Variants in CWH43 observed in about 807,000 individuals in gnomAD.
The protein encoded by CWH43 is PGAP2-interacting protein.
A neutral mutation model predicts 85.7 loss-of-function variants in CWH43; 91 were observed. That is an observed-to-expected ratio of 1.06 (90% CI 0.90 to 1.26). The LOEUF is 1.26. Among genes scored for constraint, CWH43 ranks in the 50% most tolerant of loss-of-function variants. The pLI is 0.00. For missense variants in CWH43, 869 were observed against 839.2 expected (o/e 1.04, Z -0.44); for synonymous variants, 323 against 293.6 (o/e 1.10, Z -1.02).
At chr4:49,023,116 G>C (rs1783803471) in intron 9 of CWH43, among the ~76,000 whole-genome samples, 1 of 152,094 alleles carries the variant, frequency 6.6e-6, no homozygotes. Flanking sequence ...AGTTCCTTGA[G>C]TTGTGACCTT....
At chr4:49,059,929 T>A (rs1785092526) in intron 15 of CWH43, among the ~76,000 whole-genome samples, 1 of 152,082 alleles carries the variant, frequency 6.6e-6, no homozygotes, top group African/African-American at 2.4e-5. Flanking sequence ...TCCATTGGGA[T>A]AGATCTGGAA....
intron 8 of CWH43, among the ~76,000 whole-genome samples, chr4:49,008,555 T>G (rs968589350): frequency 6.6e-6 from 1 of 152,212 alleles, no homozygotes; most frequent in African/African-American, 2.4e-5. Context: ...TGTCTATGCC[T>G]ATGTCCTGAA....
chr4:49,019,380 C>T (rs1386729571), intron 9 of CWH43, among the ~76,000 whole-genome samples: 4 of 151,928 alleles, frequency 2.6e-5, no homozygotes, highest in African/African-American at 2.4e-5. Context: ...ATATAAAGGA[C>T]TGAGGGAGAA....
At chr4:49,046,109 G>T (rs1784614325) in intron 14 of CWH43, among the ~76,000 whole-genome samples, 1 of 151,766 alleles carries the variant, frequency 6.6e-6, no homozygotes, top group Admixed American at 6.6e-5. Flanking sequence ...GTAAGTTTTA[G>T]GGTACATGTG....
At chr4:49,018,510 T>C (rs1161011109) in intron 9 of CWH43, among the ~76,000 whole-genome samples, 1 of 152,248 alleles carries the variant, frequency 6.6e-6, no homozygotes, top group African/African-American at 2.4e-5. Context: ...TATGGGTAGC[T>C]TATGCCTTGA....
intron 14 of CWH43, among the ~76,000 whole-genome samples, chr4:49,049,461 A>G (rs1784727529): frequency 6.6e-6 from 1 of 151,524 alleles, no homozygotes; most frequent in African/African-American, 2.4e-5. Flanking sequence ...GTGATTCTCT[A>G]CCTGGTAGCT....
intron 13 of CWH43, among the ~76,000 whole-genome samples, chr4:49,039,921 G>T (rs1784404512): frequency 6.6e-6 from 1 of 151,488 alleles, no homozygotes; most frequent in Admixed American, 6.6e-5. Context: ...ACAGTCTCCA[G>T]AGTGTGATGT....
intron 14 of CWH43, among the ~76,000 whole-genome samples, chr4:49,047,095 T>A (rs561469133): frequency 6.6e-6 from 1 of 152,196 alleles, no homozygotes; most frequent in Non-Finnish European, 1.5e-5. Context: ...TTAATGGATC[T>A]CTTTAAGTAA....
intron 15 of CWH43, among the ~76,000 whole-genome samples, chr4:49,056,332 C>A (rs1784963416): frequency 6.6e-6 from 1 of 152,058 alleles, no homozygotes. Context: ...TTTTGATTAC[C>A]AGTTCAATTT....
chr4:48,998,426 T>C (rs766495518), intron 5 of CWH43, 34 bp from the exon 6 acceptor site: 22 of 1,446,258 alleles, frequency 1.5e-5, no homozygotes, highest in African/African-American at 2.8e-5. Context: ...ATATTACTAA[T>C]GTCACATGTC....
intron 15 of CWH43, among the ~76,000 whole-genome samples, chr4:49,057,058 C>T (rs1388295127): frequency 6.6e-6 from 1 of 152,092 alleles, no homozygotes; most frequent in Non-Finnish European, 1.5e-5. Context: ...TGTTTTGTGG[C>T]CTAACATAAG....
chr4:49,039,379 A>G (rs1246137903), intron 13 of CWH43, among the ~76,000 whole-genome samples: 1 of 73,912 alleles, frequency 1.4e-5, no homozygotes, highest in African/African-American at 3.6e-5. Flanking sequence ...GTATATATAT[A>G]CTGATATATA....
rs866070614 is a variant in CWH43 at position 49,012,645 on chromosome 4, A to G, written c.1187-4604A>G. On this transcript the variant is annotated intron_variant, in intron 8 of 15. Coordinates refer to ENST00000226432, the MANE Select transcript of CWH43 (RefSeq NM_025087.3). ...TTGGTCTTTGATGTTGGTGACCTGC[A>G]GATGGAGTTTTGGTGTGGATGTCCT... Among the ~76,000 whole-genome samples, 4 of 152,154 alleles carry G rather than the reference A, an allele frequency of 2.6e-5. No homozygotes were observed. In the South Asian group the frequency reaches 6.2e-4, roughly 24 times the overall value.
chr4:49,005,550 G>GTTTTT (rs1294202525), intron 7 of CWH43, among the ~76,000 whole-genome samples: 1 of 137,620 alleles, frequency 7.3e-6, no homozygotes. Context: ...TTAGGGTTCT[G>GTTTTT]TTTTTTTTTT....
At chr4:48,998,365 A>G (rs980720477) in intron 5 of CWH43, 95 bp from the exon 6 acceptor site, 5 of 936,360 alleles carry the variant, frequency 5.3e-6, no homozygotes, top group Non-Finnish European at 8.5e-6. Context: ...TATCTCTTAT[A>G]TGTACCCAGA....
At chr4:49,037,427 G>T (rs146103909) in intron 12 of CWH43, among the ~76,000 whole-genome samples, 7 of 152,294 alleles carry the variant, frequency 4.6e-5, no homozygotes, top group Non-Finnish European at 8.8e-5. Context: ...AAATTAAGTT[G>T]GGCATGGTAG....
chr4:49,020,435 T>C (rs1237155853), intron 9 of CWH43, among the ~76,000 whole-genome samples: 1 of 77,834 alleles, frequency 1.3e-5, no homozygotes, highest in Non-Finnish European at 3.6e-5. Flanking sequence ...ATATAAATCA[T>C]ATTTTCTTTA....
Position 48,992,998 on chromosome 4 carries a change from G to C in CWH43, c.511+908G>C, listed in dbSNP as rs1374082466. 6.6e-6 allele frequency among the ~76,000 whole-genome samples: 1 copy of C among 152,086 alleles called. No individual in the cohort carries two copies. Among genetic ancestry groups the C allele is most frequent in the Admixed American group, 6.6e-5 (1 of 15,266 alleles). ...CATTCATATCTAGAGGCAGAGACTCGGGCAGCCCATTTTGCCGGTACAGCC... is the reference window on the plus strand; with the variant it reads ...CATTCATATCTAGAGGCAGAGACTCCGGCAGCCCATTTTGCCGGTACAGCC... On this transcript the variant is annotated intron_variant, in intron 4 of 15. Transcript: ENST00000226432. This position sits in a 1 kb window ranked among gnomAD's most constrained non-coding sequence, Gnocchi z 4.3.
chr4:49,024,582 T>A (rs1840630), intron 9 of CWH43, among the ~76,000 whole-genome samples: 91,823 of 151,428 alleles, frequency 0.61, 30,391 homozygotes, highest in Middle Eastern at 0.79. Flanking sequence ...TGTCTGTTAA[T>A]GACTGTATCT....
Sources: gnomAD v4.1 joint callset for allele counts (sites outside exome capture counted in the v4.1 genomes callset) on GRCh38, gnomAD v4.1.1 for gene constraint, Gnocchi (gnomAD v3.1) non-coding constraint, MANE v1.5 for transcripts, NCBI Gene and HGNC (gene_info 2026-07-23, HGNC 2026-07-21) for gene names.